The following VDAC1 variants were observed in gnomAD, a reference collection of about 807,000 sequenced individuals.
The protein encoded by VDAC1 is voltage dependent anion channel 1.
Under a neutral mutation model 34.7 loss-of-function variants are expected in VDAC1, and 10 were observed. The ratio of observed to expected loss-of-function variants is 0.29; its 90% CI spans 0.18 to 0.49. The LOEUF is 0.49. Among genes scored for constraint, VDAC1 ranks in the 20% least tolerant of loss-of-function variants. VDAC1 has a pLI of 0.99. For missense variants in VDAC1, 230 were observed against 347.9 expected, an observed-to-expected ratio of 0.66 and a Z score of 2.69; for synonymous variants, 130 against 136.0, an observed-to-expected ratio of 0.96 and a Z score of 0.30.
At chr5:134,056,707 C>T in the VDAC1 span, among the ~76,000 whole-genome samples, 11 of 152,114 alleles carry the variant, frequency 7.2e-5, no homozygotes, top group South Asian at 6.2e-4. Flanking sequence ...TTTTTTGAGA[C>T]GGAGTTTCGC....
At chr5:134,011,578 G>C in the VDAC1 span, among the ~76,000 whole-genome samples, 1 of 151,842 alleles carries the variant, frequency 6.6e-6, no homozygotes, top group Non-Finnish European at 1.5e-5. Context: ...CTTGACATGG[G>C]GGGATTGTCC....
At chr5:134,047,325 G>A in the VDAC1 span, among the ~76,000 whole-genome samples, 1 of 152,082 alleles carries the variant, frequency 6.6e-6, no homozygotes, top group Non-Finnish European at 1.5e-5. Context: ...TGAGGGAAGG[G>A]GCACCCACAG....
At chr5:134,023,480 T>TA in the VDAC1 span, among the ~76,000 whole-genome samples, 23,364 of 135,166 alleles carry the variant, frequency 0.17, 1,985 homozygotes, top group South Asian at 0.26. Flanking sequence ...GAACTTAAAG[T>TA]AAAAAAAAAA....
chr5:133,980,536 A>C (rs1752648620), intron 6 of VDAC1, among the ~76,000 whole-genome samples, 193 bp downstream of exon 6: 1 of 151,846 alleles, frequency 6.6e-6, no homozygotes, highest in African/African-American at 2.4e-5. Flanking sequence ...AAGACACTCC[A>C]GGAAATGGGT....
intron 6 of VDAC1, 40 bp downstream of exon 6, chr5:133,980,689 A>AGCCCCCCCCCCCCCCCCCCCCCCCC: frequency 3.5e-6 from 2 of 564,058 alleles, no homozygotes; most frequent in Non-Finnish European, 6.7e-6. Context: ...ACATGCTCCA[A>AGCCCCCCCCCCCCCCCCCCCCCCCC]CCCCACCCCT....
chr5:134,056,455 T>C, the VDAC1 span, among the ~76,000 whole-genome samples: 6 of 113,930 alleles, frequency 5.3e-5, no homozygotes, highest in Non-Finnish European at 1.1e-4. Flanking sequence ...TTTTTTTTTT[T>C]TTGAGACAGG....
At chr5:134,095,547 C>T in the VDAC1 span, among the ~76,000 whole-genome samples, 2 of 151,832 alleles carry the variant, frequency 1.3e-5, 1 homozygote, top group Admixed American at 1.3e-4. Context: ...ACAGAGTGGA[C>T]TGTTTGCCAG....
chr5:134,070,521 C>G, the VDAC1 span, among the ~76,000 whole-genome samples: 1 of 152,070 alleles, frequency 6.6e-6, no homozygotes, highest in African/African-American at 2.4e-5. Context: ...ATTTCAGAAA[C>G]GCCTAAGATA....
chr5:134,056,169 A>T, the VDAC1 span, among the ~76,000 whole-genome samples: 3 of 147,804 alleles, frequency 2.0e-5, no homozygotes, highest in Non-Finnish European at 4.5e-5. Flanking sequence ...TGAACCGGGG[A>T]GGCAGAGGTT....
the VDAC1 span, among the ~76,000 whole-genome samples, chr5:134,113,970 G>C: frequency 0.019 from 2,880 of 152,310 alleles, 97 homozygotes; most frequent in African/African-American, 0.065. Flanking sequence ...CGAGTTGGGA[G>C]AGTCATAGGG....
chr5:134,025,330 G>A, the VDAC1 span, among the ~76,000 whole-genome samples: 1 of 152,086 alleles, frequency 6.6e-6, no homozygotes, highest in Admixed American at 6.6e-5. Flanking sequence ...TTTACCATAG[G>A]GAGGGCACCA....
At chr5:134,003,887 C>T (rs148093698) in intron 1 of VDAC1, among the ~76,000 whole-genome samples, 60 of 152,344 alleles carry the variant, frequency 3.9e-4, no homozygotes, top group African/African-American at 1.3e-3. Flanking sequence ...AAGTCAGGCT[C>T]CGAAACAGTT....
chr5:134,055,717 C>G, the VDAC1 span, among the ~76,000 whole-genome samples: 1 of 145,166 alleles, frequency 6.9e-6, no homozygotes, highest in Admixed American at 6.9e-5. Flanking sequence ...CGTGAGCCAC[C>G]GCGCCCGGCT....
the VDAC1 span, among the ~76,000 whole-genome samples, chr5:134,056,133 C>G: frequency 6.6e-6 from 1 of 150,492 alleles, no homozygotes; most frequent in Non-Finnish European, 1.5e-5. Flanking sequence ...CCCAGCTACT[C>G]GGGAGGCTGA....
chr5:134,029,908 C>T, the VDAC1 span, among the ~76,000 whole-genome samples: 1 of 152,194 alleles, frequency 6.6e-6, no homozygotes, highest in African/African-American at 2.4e-5. Context: ...ACACATTGTA[C>T]TAACATCAAC....
chr5:134,015,105 A>C, the VDAC1 span, among the ~76,000 whole-genome samples: 1 of 152,316 alleles, frequency 6.6e-6, no homozygotes, highest in South Asian at 2.1e-4. Context: ...GAATGAATGC[A>C]GGAATAGAAA....
the VDAC1 span, among the ~76,000 whole-genome samples, chr5:134,090,077 T>A: frequency 9.2e-5 from 14 of 152,166 alleles, no homozygotes; most frequent in Admixed American, 6.5e-4. Flanking sequence ...TCGTCCAGTC[T>A]GGGGAGGACC....
intron 1 of VDAC1, among the ~76,000 whole-genome samples, chr5:133,994,883 T>C (rs926084192): frequency 1.3e-5 from 2 of 152,086 alleles, no homozygotes; most frequent in Non-Finnish European, 2.9e-5. Flanking sequence ...TGGTAATATC[T>C]GTGGGTCACC....
chr5:134,085,625 C>A, the VDAC1 span, among the ~76,000 whole-genome samples: 1 of 148,884 alleles, frequency 6.7e-6, no homozygotes, highest in Non-Finnish European at 1.5e-5. Context: ...CAGTGGCTCA[C>A]GCCTGTAATC....
Sources: gnomAD v4.1 joint callset for allele counts (sites outside exome capture counted in the v4.1 genomes callset) on GRCh38, gnomAD v4.1.1 for gene constraint, MANE v1.5 for transcripts, NCBI Gene and HGNC (gene_info 2026-07-23, HGNC 2026-07-21) for gene names.